The following CDH2 variants were observed in gnomAD, a reference collection of about 807,000 sequenced individuals.
The protein encoded by CDH2 is cadherin-2.
Under a neutral mutation model 92.0 loss-of-function variants are expected in CDH2, and 17 were observed. That is an observed-to-expected ratio of 0.18 (90% CI 0.13 to 0.28). The LOEUF (loss-of-function observed/expected upper bound fraction) is 0.28. Ranked by LOEUF, CDH2 falls within the 10% of genes least tolerant of loss-of-function variation. The pLI, the probability that CDH2 is intolerant of heterozygous loss-of-function variation, is 1.00. For missense variants in CDH2, 862 were observed against 1,133.1 expected (o/e 0.76, Z 3.44); for synonymous variants, 419 against 415.9 (o/e 1.01, Z -0.09).
intron 2 of CDH2, among the ~76,000 whole-genome samples, chr18:28,113,662 T>C (rs2015449212): frequency 6.6e-6 from 1 of 152,078 alleles, no homozygotes; most frequent in South Asian, 2.1e-4. Flanking sequence ...TGGGCATTTT[T>C]ACAGAATCCT....
At chr18:28,074,684 G>C (rs1180985265) in intron 2 of CDH2, among the ~76,000 whole-genome samples, 1 of 129,264 alleles carries the variant, frequency 7.7e-6, no homozygotes, top group Non-Finnish European at 1.6e-5. Flanking sequence ...CCTAACTAAA[G>C]GAGGCCCTTT....
intron 11 of CDH2, 60 bp from the exon 12 acceptor site, chr18:27,985,821 A>G (rs1207016843): frequency 1.0e-6 from 1 of 984,716 alleles, no homozygotes. Flanking sequence ...AGCCTCAATT[A>G]TGGTGAAATT....
intron 6 of CDH2, among the ~76,000 whole-genome samples, chr18:27,934,343 G>A (rs1305648584): frequency 2.0e-5 from 3 of 152,166 alleles, no homozygotes; most frequent in African/African-American, 7.2e-5. Context: ...AGCAATCTGA[G>A]TGCCATTTTT....
chr18:27,969,783 G>A (rs146404575), intron 14 of CDH2, among the ~76,000 whole-genome samples: 2,772 of 152,282 alleles, frequency 0.018, 82 homozygotes, highest in African/African-American at 0.063. Context: ...TTGGGAGGCC[G>A]AGGCGGGTGG....
chr18:27,969,086 C>G (rs967868710), intron 14 of CDH2, among the ~76,000 whole-genome samples: 1 of 152,152 alleles, frequency 6.6e-6, no homozygotes, highest in African/African-American at 2.4e-5. Context: ...AGTGAAATAT[C>G]GTTATGACGG....
intron 2 of CDH2, among the ~76,000 whole-genome samples, chr18:28,059,187 C>T (rs1433056321): frequency 6.6e-6 from 1 of 152,128 alleles, no homozygotes; most frequent in African/African-American, 2.4e-5. Flanking sequence ...GTTGGAATGA[C>T]AAAAACCCAA....
At chr18:28,041,091 G>A (rs1368810224) in intron 2 of CDH2, among the ~76,000 whole-genome samples, 1 of 151,960 alleles carries the variant, frequency 6.6e-6, no homozygotes, top group Non-Finnish European at 1.5e-5. Context: ...ACTGGGGAGG[G>A]GTCCACAATG....
intron 2 of CDH2, among the ~76,000 whole-genome samples, chr18:28,055,219 G>C (rs772224345): frequency 5.9e-5 from 9 of 152,074 alleles, no homozygotes; most frequent in Admixed American, 3.3e-4. Flanking sequence ...CAGATCTCAC[G>C]AGACTTACTA....
intron 7 of CDH2, among the ~76,000 whole-genome samples, chr18:27,998,001 T>C (rs1164209696): frequency 6.6e-6 from 1 of 151,370 alleles, no homozygotes; most frequent in Non-Finnish European, 1.5e-5. Context: ...AGGGATGGGG[T>C]TTCACCGTGT....
intron 14 of CDH2, among the ~76,000 whole-genome samples, chr18:27,965,962 C>T (rs550698024): frequency 1.5e-5 from 2 of 133,188 alleles, no homozygotes; most frequent in East Asian, 2.2e-4. Flanking sequence ...TACTCCAGCC[C>T]GGGCGACAGA....
At chr18:28,072,399 C>T (rs559857599) in intron 2 of CDH2, among the ~76,000 whole-genome samples, 1 of 152,160 alleles carries the variant, frequency 6.6e-6, no homozygotes, top group Non-Finnish European at 1.5e-5. Context: ...CTCTTCAGTG[C>T]CTCCTATCCC....
intron 14 of CDH2, among the ~76,000 whole-genome samples, chr18:27,963,945 AC>A (rs1278658899): frequency 1.4e-5 from 2 of 138,700 alleles, no homozygotes; most frequent in Admixed American, 7.0e-5. Flanking sequence ...GTTTCAAGCC[AC>A]CCTTCTTCCT....
chr18:27,997,435 G>C (rs751564159), intron 7 of CDH2, among the ~76,000 whole-genome samples: 1 of 152,226 alleles, frequency 6.6e-6, no homozygotes, highest in Admixed American at 6.5e-5. Context: ...AAATGCATGA[G>C]TGCAAGTCTA....
At chr18:28,104,449 A>G (rs979132541) in intron 2 of CDH2, among the ~76,000 whole-genome samples, 3 of 151,972 alleles carry the variant, frequency 2.0e-5, no homozygotes, top group Admixed American at 1.3e-4. Flanking sequence ...TTTAAAAACC[A>G]TGAAGCAATC....
chr18:27,990,189 C>A lies in CDH2; in HGVS notation c.1506G>T (p.Lys502Asn). The A allele has an allele frequency of 2.5e-6, 4 of 1,614,070 alleles. No individual in the cohort carries two copies. The highest frequency in any genetic ancestry group is 3.4e-6 in the Non-Finnish European group (4 of 1,179,986). The change falls in exon 10 of 16, where the codon AAG (lysine) becomes AAT (asparagine). Residue 502 changes from lysine (K) to asparagine (N), a missense_variant. Lys to Asn is a moderately conservative substitution (Grantham distance 94, BLOSUM62 0). Transcript: ENST00000269141. ...GAAGCCCTTCTTCTTGGCGAATGAT[C>A]TTAGGATTGGGGGCAAAATAAGGGT... ...NENPYFAPNPKIIRQEEGLHA... is the reference protein window; with the variant it reads ...NENPYFAPNPNIIRQEEGLHA...
intron 15 of CDH2, among the ~76,000 whole-genome samples, chr18:27,956,380 A>G (rs2011246624): frequency 6.6e-6 from 1 of 152,116 alleles, no homozygotes; most frequent in Admixed American, 6.6e-5. Flanking sequence ...ATTCTTGCTG[A>G]GCTTGTATTT....
chr18:28,092,831 T>A (rs2015061090), intron 2 of CDH2, among the ~76,000 whole-genome samples: 1 of 152,156 alleles, frequency 6.6e-6, no homozygotes, highest in East Asian at 1.9e-4. Flanking sequence ...CAGTGAGGGA[T>A]GAGGTCCATT....
chr18:27,992,592 G>C, intron 9 of CDH2, 63 bp downstream of exon 9: 3 of 1,324,520 alleles, frequency 2.3e-6, no homozygotes, highest in Non-Finnish European at 3.1e-6. Flanking sequence ...CAATGAGTGG[G>C]GGACATATAT....
At chr18:28,121,532 T>A (rs1402310669) in intron 2 of CDH2, among the ~76,000 whole-genome samples, 1 of 152,132 alleles carries the variant, frequency 6.6e-6, no homozygotes, top group African/African-American at 2.4e-5. Context: ...CCAACTCTCA[T>A]GCATTAGATT....
Sources: allele counts gnomAD v4.1 joint callset (sites outside exome capture counted in the v4.1 genomes callset), GRCh38; gene constraint gnomAD v4.1.1; transcripts MANE v1.5; gene names NCBI Gene and HGNC (gene_info 2026-07-23, HGNC 2026-07-21).